Variants in DLGAP2 observed in about 807,000 individuals in gnomAD.
DLGAP2 encodes the protein disks large-associated protein 2.
In DLGAP2, 26 loss-of-function variants were observed where a neutral mutation model predicts 100.3. The ratio of observed to expected loss-of-function variants is 0.26; its 90% CI spans 0.19 to 0.36. The LOEUF (loss-of-function observed/expected upper bound fraction) is 0.36. Among genes scored for constraint, DLGAP2 ranks in the 10% least tolerant of loss-of-function variants. DLGAP2 has a pLI of 1.00. For missense variants in DLGAP2, 1,858 were observed against 1,453.2 expected, an observed-to-expected ratio of 1.28 and a Z score of -4.53; for synonymous variants, 886 against 630.1, an observed-to-expected ratio of 1.41 and a Z score of -6.08.
intron 6 of DLGAP2, among the ~76,000 whole-genome samples, chr8:1,581,645 C>T (rs952820602): frequency 2.0e-4 from 28 of 142,540 alleles, no homozygotes; most frequent in African/African-American, 7.4e-4. Flanking sequence ...CCACACACAT[C>T]TACACACCAC....
At chr8:806,098 A>G (rs1269976769) in intron 1 of DLGAP2, among the ~76,000 whole-genome samples, 1 of 152,248 alleles carries the variant, frequency 6.6e-6, no homozygotes, top group Non-Finnish European at 1.5e-5. Flanking sequence ...GGTGTCAGTT[A>G]TCAGCTTAAG....
intron 2 of DLGAP2, among the ~76,000 whole-genome samples, chr8:1,010,665 C>G (rs1324015034): frequency 6.6e-6 from 1 of 152,242 alleles, no homozygotes; most frequent in East Asian, 1.9e-4. Context: ...CCATAGCTAG[C>G]CACCTGAGTG....
intron 11 of DLGAP2, 44 bp downstream of exon 11, chr8:1,676,662 C>A: frequency 6.4e-7 from 1 of 1,569,792 alleles, no homozygotes; most frequent in Non-Finnish European, 8.7e-7. Flanking sequence ...CGAGCGAGGG[C>A]TCTTTGTCAA....
At chr8:1,201,474 C>T (rs1173448143) in intron 2 of DLGAP2, among the ~76,000 whole-genome samples, 7 of 152,198 alleles carry the variant, frequency 4.6e-5, no homozygotes, top group Admixed American at 3.9e-4. Flanking sequence ...TCTCCAGAGC[C>T]TCCAGAAGGA....
chr8:1,207,585 G>A (rs566527415), intron 2 of DLGAP2, among the ~76,000 whole-genome samples: 2 of 152,170 alleles, frequency 1.3e-5, no homozygotes, highest in African/African-American at 2.4e-5. Context: ...AGATACTCAC[G>A]AGTGGGATTG....
chr8:966,710 C>G (rs1196140265), intron 2 of DLGAP2, among the ~76,000 whole-genome samples: 1 of 152,130 alleles, frequency 6.6e-6, no homozygotes, highest in Non-Finnish European at 1.5e-5. Flanking sequence ...TCTTTTACAT[C>G]TGGGTTTATT....
At chr8:904,998 G>A (rs1172311140) in intron 1 of DLGAP2, among the ~76,000 whole-genome samples, 1 of 152,214 alleles carries the variant, frequency 6.6e-6, no homozygotes, top group African/African-American at 2.4e-5. Flanking sequence ...TCCAGAGGCC[G>A]TGGCTGGTCT....
At chr8:1,069,129 G>C (rs1228571040) in intron 2 of DLGAP2, among the ~76,000 whole-genome samples, 1 of 152,226 alleles carries the variant, frequency 6.6e-6, no homozygotes, top group Non-Finnish European at 1.5e-5. Context: ...ATTCTTTGTT[G>C]CTGGAAGAGT....
intron 6 of DLGAP2, among the ~76,000 whole-genome samples, chr8:1,586,635 G>T (rs1274813583): frequency 6.6e-6 from 1 of 152,208 alleles, no homozygotes; most frequent in Non-Finnish European, 1.5e-5. Flanking sequence ...CAGCGTGGAA[G>T]GCCCTAGGGG....
At chr8:1,555,298 G>A (rs1801924571) in intron 5 of DLGAP2, among the ~76,000 whole-genome samples, 2 of 152,266 alleles carry the variant, frequency 1.3e-5, no homozygotes, top group South Asian at 4.1e-4. Flanking sequence ...CATCCAGTGT[G>A]AGTCCTAAAA....
intron 2 of DLGAP2, among the ~76,000 whole-genome samples, chr8:948,018 G>A (rs1173400603): frequency 1.4e-5 from 2 of 147,848 alleles, no homozygotes; most frequent in South Asian, 2.2e-4. Flanking sequence ...TGGCTCCCCC[G>A]ACCCCGTGCC....
chr8:1,226,572 C>A (rs1031824974), intron 2 of DLGAP2, among the ~76,000 whole-genome samples: 1 of 152,042 alleles, frequency 6.6e-6, no homozygotes, highest in African/African-American at 2.4e-5. Flanking sequence ...GCACACATTT[C>A]CCTATGTAAC....
intron 6 of DLGAP2, among the ~76,000 whole-genome samples, chr8:1,568,454 G>A (rs71499012): frequency 6.3e-3 from 280 of 44,502 alleles, no homozygotes; most frequent in Middle Eastern, 0.06. Context: ...CGTGGCCCCC[G>A]TGCCACTGTC....
At chr8:1,641,873 C>A (rs555663857) in intron 8 of DLGAP2, among the ~76,000 whole-genome samples, 41 of 151,568 alleles carry the variant, frequency 2.7e-4, no homozygotes, top group African/African-American at 1.0e-3. Context: ...CCATACCCCT[C>A]GAACCCGCCG....
chr8:1,167,843 G>C (rs1008598488), intron 2 of DLGAP2, among the ~76,000 whole-genome samples: 1 of 151,902 alleles, frequency 6.6e-6, no homozygotes, highest in African/African-American at 2.4e-5. Context: ...TTCAGTAGAG[G>C]GATGTAGACA....
intron 1 of DLGAP2, among the ~76,000 whole-genome samples, chr8:858,599 G>A (rs568512239): frequency 2.0e-5 from 3 of 149,308 alleles, no homozygotes; most frequent in Non-Finnish European, 3.0e-5. Context: ...CGCTGTCACC[G>A]TGGGCACGTG....
At chr8:1,392,883 G>GTTT (rs1382773055) in intron 3 of DLGAP2, among the ~76,000 whole-genome samples, 4 of 139,746 alleles carry the variant, frequency 2.9e-5, no homozygotes, top group African/African-American at 8.2e-5. Context: ...TAAATGTGAC[G>GTTT]TTTCTGTTTT....
chr8:1,347,467 C>T (rs1194125940), intron 3 of DLGAP2, among the ~76,000 whole-genome samples: 1 of 152,120 alleles, frequency 6.6e-6, no homozygotes, highest in Non-Finnish European at 1.5e-5. Context: ...CCATACAGAG[C>T]TGCATTGCTC....
intron 1 of DLGAP2, among the ~76,000 whole-genome samples, chr8:887,120 T>A (rs1289178543): frequency 6.6e-6 from 1 of 152,228 alleles, no homozygotes; most frequent in Non-Finnish European, 1.5e-5. Context: ...TACCATTATG[T>A]AATGCTCTTC....
Sources: allele counts gnomAD v4.1 joint callset (sites outside exome capture counted in the v4.1 genomes callset), GRCh38; gene constraint gnomAD v4.1.1; transcripts MANE v1.5; gene names NCBI Gene and HGNC (gene_info 2026-07-23, HGNC 2026-07-21).